The following GRIK4 variants were observed in gnomAD, a reference collection of about 807,000 sequenced individuals.
GRIK4 encodes glutamate ionotropic receptor kainate type subunit 4.
GRIK4 carries 40 observed loss-of-function variants against 104.9 expected under a neutral mutation model. That is an observed-to-expected ratio of 0.38 (90% CI 0.30 to 0.50). The LOEUF is 0.50. Among genes scored for constraint, GRIK4 ranks in the 20% least tolerant of loss-of-function variants. GRIK4 has a pLI of 0.93. For synonymous variants in GRIK4, 485 were observed against 524.9 expected (o/e 0.92, Z 1.04); for missense variants, 1,047 against 1,308.1 (o/e 0.80, Z 3.08).
chr11:120,570,473 A>G (rs1466908773), intron 1 of GRIK4, among the ~76,000 whole-genome samples: 1 of 152,170 alleles, frequency 6.6e-6, no homozygotes, highest in African/African-American at 2.4e-5. Flanking sequence ...TTGCTTTTTA[A>G]GAGGGTGGCT....
rs200091041 is a variant in GRIK4 at position 120,637,359 on chromosome 11, T to C, written c.-158-16326T>C. Among the ~76,000 whole-genome samples, 29 of 151,692 alleles carry C rather than the reference T, an allele frequency of 1.9e-4. No homozygotes were observed. The East Asian group carries it at 5.0e-3, about 26-fold the overall frequency. On this transcript the variant is annotated intron_variant, in intron 1 of 20. Transcript: ENST00000527524. ...CCTGGTGGGACAGGCTTGTTTTTTT[T>C]CCCCCCTGGCACTTGGCAAATCCCC... is the stretch of plus-strand genomic sequence containing the variant.
intron 3 of GRIK4, among the ~76,000 whole-genome samples, chr11:120,720,653 T>C (rs1950915850): frequency 6.6e-6 from 1 of 152,054 alleles, no homozygotes. Context: ...AAGAAGGTGC[T>C]GGCACCAGGA....
chr11:120,697,414 A>C (rs1950469236), intron 3 of GRIK4, among the ~76,000 whole-genome samples: 1 of 152,144 alleles, frequency 6.6e-6, no homozygotes, highest in Non-Finnish European at 1.5e-5. Flanking sequence ...TCAGGAGTTC[A>C]AGACCAGCCT....
At chr11:120,754,574 G>A (rs1951620130) in intron 3 of GRIK4, among the ~76,000 whole-genome samples, 1 of 152,108 alleles carries the variant, frequency 6.6e-6, no homozygotes, top group Non-Finnish European at 1.5e-5. Context: ...TTTTTAGGTG[G>A]ACACATGTTT....
intron 1 of GRIK4, among the ~76,000 whole-genome samples, chr11:120,539,294 C>G (rs543505809): frequency 6.6e-6 from 1 of 152,104 alleles, no homozygotes; most frequent in African/African-American, 2.4e-5. Flanking sequence ...ACAGGCCTGG[C>G]GAAGAACAGG....
At chr11:120,561,026 C>T (rs559307861) in intron 1 of GRIK4, among the ~76,000 whole-genome samples, 231 of 152,288 alleles carry the variant, frequency 1.5e-3, no homozygotes, top group African/African-American at 5.4e-3. Flanking sequence ...TTTCCACAGC[C>T]TTTGAATAGT....
At chr11:120,625,353 C>T (rs1308336931) in intron 1 of GRIK4, among the ~76,000 whole-genome samples, 1 of 152,112 alleles carries the variant, frequency 6.6e-6, no homozygotes, top group African/African-American at 2.4e-5. Flanking sequence ...CGGGGAATGG[C>T]AGATGAGCAC....
intron 3 of GRIK4, among the ~76,000 whole-genome samples, chr11:120,768,494 G>A (rs114708741): frequency 0.028 from 4,201 of 152,166 alleles, 203 homozygotes; most frequent in African/African-American, 0.095. Flanking sequence ...TCGTCTGTAA[G>A]TAAAGATCAT....
intron 11 of GRIK4, among the ~76,000 whole-genome samples, chr11:120,897,601 CAAAAAAA>C (rs56807699): frequency 0.16 from 2,026 of 13,048 alleles, 87 homozygotes; most frequent in Non-Finnish European, 0.26. Flanking sequence ...GACTCCTTCT[CAAAAAAA>C]AAAAAAAAAA....
At chr11:120,765,676 G>A (rs1192019284) in intron 3 of GRIK4, among the ~76,000 whole-genome samples, 3 of 152,140 alleles carry the variant, frequency 2.0e-5, no homozygotes, top group Non-Finnish European at 4.4e-5. Flanking sequence ...TGTTGATGTT[G>A]TTGCTTTCTG....
chr11:120,805,719 A>C (rs1465755263), intron 4 of GRIK4, among the ~76,000 whole-genome samples: 2 of 152,198 alleles, frequency 1.3e-5, no homozygotes, highest in African/African-American at 4.8e-5. Context: ...AAGTTCATTG[A>C]AAGATTCCAG....
rs1324520433 is a variant in GRIK4 at position 120,986,176 on chromosome 11, G to A, written c.2787G>A (p.Gln929=). ...TCTGCCCCGAGTGCCGCCGCTTCCA[G>A]GGCCTGCGGGCACGGCCGTCGCCCG... ...IRVCPECRRF[Q]GLRARPSPAR... is the part of the protein sequence containing the mutation. Residue 929 remains glutamine, a synonymous_variant, in exon 21 of 21, where the codon CAG becomes CAA. Coordinates refer to ENST00000527524, the MANE Select transcript of GRIK4 (RefSeq NM_014619.5). The A allele has an allele frequency of 6.4e-7, 1 of 1,558,498 alleles. No individual in the cohort carries two copies. Among genetic ancestry groups the A allele is most frequent in the Non-Finnish European group, 8.6e-7 (1 of 1,161,836 alleles).
At chr11:120,876,577 T>C (rs1257720952) in intron 11 of GRIK4, among the ~76,000 whole-genome samples, 1 of 151,456 alleles carries the variant, frequency 6.6e-6, no homozygotes, top group East Asian at 2.0e-4. Context: ...GTGTGTCATA[T>C]ATATTTTCTC....
At chr11:120,579,256 G>A (rs1463964528) in intron 1 of GRIK4, among the ~76,000 whole-genome samples, 2 of 152,132 alleles carry the variant, frequency 1.3e-5, no homozygotes, top group South Asian at 2.1e-4. Context: ...TGGATGAGGC[G>A]TGGGGGTGCG....
intron 1 of GRIK4, among the ~76,000 whole-genome samples, chr11:120,587,556 T>C (rs1407486560): frequency 1.3e-5 from 2 of 152,216 alleles, no homozygotes; most frequent in African/African-American, 4.8e-5. Flanking sequence ...ATTATTATCA[T>C]GATGTCTCCA....
intron 3 of GRIK4, among the ~76,000 whole-genome samples, chr11:120,748,014 G>A (rs965008259): frequency 1.3e-5 from 2 of 152,118 alleles, no homozygotes; most frequent in East Asian, 1.9e-4. Flanking sequence ...ACTGCCAGGC[G>A]CCTCTGTGGA....
intron 3 of GRIK4, among the ~76,000 whole-genome samples, chr11:120,738,559 G>C (rs1330800915): frequency 1.3e-5 from 2 of 152,132 alleles, no homozygotes; most frequent in African/African-American, 2.4e-5. Context: ...TACCCACCCT[G>C]TCTCATGCGC....
intron 19 of GRIK4, among the ~76,000 whole-genome samples, chr11:120,977,769 T>A (rs2134784647): frequency 6.6e-6 from 1 of 152,314 alleles, no homozygotes; most frequent in Non-Finnish European, 1.5e-5. Flanking sequence ...CTGTTAAACC[T>A]CAACTCCCCT....
Position 120,784,289 on chromosome 11 carries a change from C to A in GRIK4, c.83-18404C>A, listed in dbSNP as rs115749009. On this transcript the variant is annotated intron_variant, in intron 3 of 20. Transcript: ENST00000527524. ...TGGCTCCTTCCCTGGGGGATGATGA[C>A]AATGAATAAAAAGACCCATTACTTG... 6.9e-3 allele frequency among the ~76,000 whole-genome samples: 1,043 copies of A among 152,224 alleles called. 12 individuals are homozygous for A. The highest frequency in any genetic ancestry group is 0.024 in the African/African-American group (1,003 of 41,524).
Sources: allele counts gnomAD v4.1 joint callset (sites outside exome capture counted in the v4.1 genomes callset), GRCh38; gene constraint gnomAD v4.1.1; transcripts MANE v1.5; gene names NCBI Gene and HGNC (gene_info 2026-07-23, HGNC 2026-07-21).